The following GZF1 variants were observed in gnomAD, a reference collection of about 807,000 sequenced individuals.
The protein encoded by GZF1 is GDNF inducible zinc finger protein 1, also known as GDNF-inducible zinc finger protein 1.
Under a neutral mutation model 49.4 loss-of-function variants are expected in GZF1, and 28 were observed. That is an observed-to-expected ratio of 0.57 (90% confidence interval 0.42 to 0.78). The LOEUF (loss-of-function observed/expected upper bound fraction) is 0.78. GZF1 is among the 30% of genes least tolerant of loss of function. The pLI is 0.00. For synonymous variants in GZF1, 364 were observed against 356.0 expected (o/e 1.02, Z -0.25); for missense variants, 798 against 916.2 (o/e 0.87, Z 1.67).
At chr20:23,364,044 A>G (rs146304620) in intron 1 of GZF1, among the ~76,000 whole-genome samples, 274 of 152,354 alleles carry the variant, frequency 1.8e-3, no homozygotes, top group Non-Finnish European at 3.2e-3. Context: ...GGGACTATGT[A>G]AGCAAATTAG....
rs1374905487 is a variant in GZF1 at position 23,369,751 on chromosome 20, G to A, written c.1785+10G>A. 1 of 1,600,274 alleles carries A rather than the reference G, an allele frequency of 6.2e-7. No homozygotes were observed. Among genetic ancestry groups the A allele is most frequent in the Non-Finnish European group, 8.5e-7 (1 of 1,173,008 alleles). ...TCGGCGGCACACCTCAGTAAGCAGTGGGTTGGCTTATTTGAGAAACAAGCT... is the reference window on the plus strand; with the variant it reads ...TCGGCGGCACACCTCAGTAAGCAGTAGGTTGGCTTATTTGAGAAACAAGCT... On this transcript the variant is annotated intron_variant, in intron 5 of 5. Transcript: ENST00000338121.
At chr20:23,366,411 T>C (rs1981394656) in intron 2 of GZF1, among the ~76,000 whole-genome samples, 1 of 152,224 alleles carries the variant, frequency 6.6e-6, no homozygotes, top group Non-Finnish European at 1.5e-5. Context: ...TGTTCATTTT[T>C]TACTCTATAT....
In GZF1 at chr20:23,370,386, C is replaced by A. The variant is rs780721876; in HGVS notation, c.2081C>A (p.Thr694Asn). 2 of 1,613,880 alleles carry A rather than the reference C, an allele frequency of 1.2e-6. No individual in the cohort carries two copies. Among genetic ancestry groups the A allele is most frequent in the Non-Finnish European group, 1.7e-6 (2 of 1,179,794 alleles). The change falls in exon 6 of 6, where the codon ACC (threonine) becomes AAC (asparagine). Residue 694 changes from threonine to asparagine, a missense_variant. This residue lies in a region of GZF1 where 446 missense variants were observed against 540.1 expected (regional missense o/e 0.83). Coordinates refer to ENST00000338121, the MANE Select transcript of GZF1 (RefSeq NM_022482.5). ...ATTISELSELTPQTDSMPTQL... is the reference protein window; with the variant it reads ...ATTISELSELNPQTDSMPTQL... ...ACCATCAGTGAGCTTAGCGAGCTGA[C>A]CCCACAGACAGACTCGATGCCCACA...
chr20:23,361,825 C>A (rs761461460), upstream of GZF1, among the ~76,000 whole-genome samples: 10 of 152,204 alleles, frequency 6.6e-5, no homozygotes, highest in Non-Finnish European at 1.5e-4. Flanking sequence ...CGCCTTGCGG[C>A]CAGAAGCCCG....
intron 2 of GZF1, 78 bp downstream of exon 2, chr20:23,365,825 T>C: frequency 7.0e-7 from 1 of 1,433,782 alleles, no homozygotes; most frequent in East Asian, 2.6e-5. Flanking sequence ...TGGGATTTGA[T>C]GTCTCACTGC....
chr20:23,369,850 T>G, intron 5 of GZF1, 109 bp downstream of exon 5: 1 of 1,219,706 alleles, frequency 8.2e-7, no homozygotes, highest in South Asian at 1.5e-5. Context: ...AGACAACAGG[T>G]ACTTTCTCCT....
intron 1 of GZF1, chr20:23,362,891 A>T (rs558030738): frequency 6.6e-6 from 1 of 152,422 alleles, no homozygotes; most frequent in Admixed American, 6.5e-5. Context: ...TGGGGAAGTC[A>T]GGGCATCAGG....
chr20:23,367,866 GT>G (rs1981582428), intron 3 of GZF1, among the ~76,000 whole-genome samples: 1 of 152,050 alleles, frequency 6.6e-6, no homozygotes, highest in African/African-American at 2.4e-5. Context: ...ATTCTTCTCA[GT>G]TTCTTCTTTG....
rs1981139540 is a variant in GZF1 at position 23,365,010 on chromosome 20, A to G, written c.627A>G (p.Lys209=). 1 of 1,614,120 alleles carries G rather than the reference A, an allele frequency of 6.2e-7. No individual in the cohort carries two copies. ...CCAAGGACAAACTAGACAAGAAGAA[A>G]GAGGTAGTTAAACCTCCCTACCCTA... The part of the protein sequence containing the change: ...KKSKDKLDKK[K]EVVKPPYPKI... Residue 209 remains lysine (K), a synonymous_variant, in exon 2 of 6, where the codon AAA becomes AAG. Transcript: ENST00000338121.
chr20:23,370,545 A>T lies in GZF1; in HGVS notation c.*104A>T. On this transcript the variant is annotated 3_prime_UTR_variant, in exon 6 of 6. Transcript: ENST00000338121. Reference sequence around the variant, plus strand: ...ATTGTCCATGTGCAAAGATGTGGGCAAGAATGGCCTCTGCAGATTTTCCTG... The same window carrying T: ...ATTGTCCATGTGCAAAGATGTGGGCTAGAATGGCCTCTGCAGATTTTCCTG... 1 of 769,092 alleles carries T rather than the reference A, an allele frequency of 1.3e-6. No homozygotes were observed. Among genetic ancestry groups the T allele is most frequent in the South Asian group, 1.6e-5 (1 of 61,344 alleles). The allele number at this position is 769,092 out of a possible 1,614,324, so 47.6% of individuals were successfully genotyped here.
Position 23,365,665 on chromosome 20 carries a change from A to G in GZF1, c.1282A>G (p.Thr428Ala), listed in dbSNP as rs1311569117. 5.6e-6 allele frequency: 9 copies of G among 1,599,420 alleles called. No homozygotes were observed. The highest frequency in any genetic ancestry group is 1.1e-5 in the South Asian group (1 of 90,908). Residue 428 changes from threonine (T) to alanine (A), a missense_variant, in exon 2 of 6, where the codon ACA becomes GCA. Transcript: ENST00000338121. ...SKTALRLHER[T>A]HTGDRPYGCT... is the part of the protein sequence containing the mutation. ...GACAGCGCTGCGGCTGCACGAGCGC[A>G]CACACACGGGAGACCGGCCCTACGG...
chr20:23,364,210 T>G (rs764550093), intron 1 of GZF1, among the ~76,000 whole-genome samples, 153 bp from the exon 2 acceptor site: 15 of 152,250 alleles, frequency 9.9e-5, no homozygotes, highest in Non-Finnish European at 1.8e-4. Context: ...TTTAGAAAAC[T>G]GCTAAGAAGT....
rs946913529 is a variant in GZF1, at chr20:23,364,393, G to A, written c.10G>A (p.Gly4Ser). The change falls in exon 2 of 6, where the codon GGT becomes AGT. Residue 4 changes from glycine to serine, a missense_variant. By Grantham distance (56) the Gly-to-Ser change is moderately conservative. Coordinates refer to ENST00000338121, the MANE Select transcript of GZF1 (RefSeq NM_022482.5). ...TTTGGAAGGAAGAAAGATGGAAAGC[G>A]GTGCAGTTCTGCTGGAATCCAAATC... Reference protein sequence around the residue: MESGAVLLESKSSP... With the variant: MESSAVLLESKSSP... The A allele has an allele frequency of 8.3e-6, 13 of 1,565,560 alleles. No individual in the cohort carries two copies. The highest frequency in any genetic ancestry group is 1.1e-5 in the Non-Finnish European group (13 of 1,153,554).
rs902374939 is a variant in GZF1 at position 23,369,613 on chromosome 20, G to A, written c.1657G>A (p.Gly553Ser). Reference protein sequence around the residue: ...GERPYCCDQCGKQFTQLNALQ... With the variant: ...GERPYCCDQCSKQFTQLNALQ... ...GCGTCCCTACTGCTGTGACCAGTGC[G>A]GCAAGCAGTTCACCCAGCTCAACGC... is the stretch of plus-strand genomic sequence containing the variant. The change falls in exon 5 of 6, where the codon GGC becomes AGC. Residue 553 changes from glycine to serine, a missense_variant. Gly to Ser is a moderately conservative substitution (Grantham distance 56). This residue lies in a region of GZF1 where 446 missense variants were observed against 540.1 expected (regional missense o/e 0.83). Transcript: ENST00000338121. 1.7e-5 allele frequency: 28 copies of A among 1,613,642 alleles called. No individual in the cohort carries two copies. In the Admixed American group the frequency reaches 2.5e-4, roughly 14 times the overall value.
chr20:23,364,751 A>C lies in GZF1; in HGVS notation c.368A>C (p.Glu123Ala). ...AAGCTGAAATGTTTGGATTTATCAG[A>C]AACTTGTTTTCAATTAAAGAAACAG... The part of the protein sequence containing the change: ...AEKLKCLDLS[E>A]TCFQLKKQML... Residue 123 changes from glutamate to alanine, a missense_variant, in exon 2 of 6, where the codon GAA becomes GCA. By Grantham distance (107) the Glu-to-Ala change is moderately radical. This residue lies in a region of GZF1 where 247 missense variants were observed against 228.5 expected (regional missense o/e 1.08). Transcript: ENST00000338121. 1 of 1,614,286 alleles carries C rather than the reference A, an allele frequency of 6.2e-7. No individual in the cohort carries two copies. The highest frequency in any genetic ancestry group is 8.5e-7 in the Non-Finnish European group (1 of 1,180,056).
At position 23,371,570 on chromosome 20, in the gene GZF1, A is replaced by G. The variant is rs1982079170; in HGVS notation, c.*1129A>G. On this transcript the variant is annotated 3_prime_UTR_variant, in exon 6 of 6. Coordinates refer to ENST00000338121, the MANE Select transcript of GZF1 (RefSeq NM_022482.5). ...TCCCAAATGCTTCTTTGGCTGTTTC[A>G]TGCAGGACTTAATTATTGCTTTTAA... 6.5e-6 allele frequency: 1 copy of G among 152,678 alleles called. No individual in the cohort carries two copies. The highest frequency in any genetic ancestry group is 2.4e-5 in the African/African-American group (1 of 41,460). The allele number at this position is 152,678 out of a possible 1,614,324, so 9.5% of individuals were successfully genotyped here.
intron 1 of GZF1, among the ~76,000 whole-genome samples, chr20:23,364,062 C>G (rs1002266853): frequency 1.3e-5 from 2 of 152,176 alleles, no homozygotes; most frequent in African/African-American, 2.4e-5. Flanking sequence ...TAGACAGTGA[C>G]CTTGGTGAGC....
rs547966607 is a variant in GZF1 at position 23,372,805 on chromosome 20, TCAACCATTTTC to T, written c.*2376_*2386del. The T allele has an allele frequency of 3.7e-4, 57 of 152,346 alleles. 1 individual carries two copies. The highest frequency in any genetic ancestry group is 1.3e-3 in the African/African-American group (52 of 41,570). The allele number at this position is 152,346 out of a possible 1,614,324, so 9.4% of individuals were successfully genotyped here. A position where few individuals can be genotyped will look rare whatever the true frequency, so the allele number is the denominator to read the frequency against. ...AAGAAGGGCCATTTAGGAGCTTGCT[TCAACCATTTTC>T]CAACCATTTTCTGTGAAATGCTGTC... is the stretch of plus-strand genomic sequence containing the variant. On this transcript the variant is annotated 3_prime_UTR_variant, in exon 6 of 6. Coordinates refer to ENST00000338121, the MANE Select transcript of GZF1 (RefSeq NM_022482.5).
In GZF1 at chr20:23,370,705, G is replaced by T; in HGVS notation, c.*264G>T. The T allele has an allele frequency of 2.2e-6, 1 of 454,868 alleles. No homozygotes were observed. The highest frequency in any genetic ancestry group is 3.9e-6 in the Non-Finnish European group (1 of 253,734). 28.2% of individuals were successfully genotyped at this position (454,868 alleles called of 1,614,324 possible). On this transcript the variant is annotated 3_prime_UTR_variant, in exon 6 of 6. Transcript: ENST00000338121. ...ACCTCACTTAATTCTGGTGTAGGGTGTATGTGCTAATCGTTCTAATTCTTG... is the reference window on the plus strand; with the variant it reads ...ACCTCACTTAATTCTGGTGTAGGGTTTATGTGCTAATCGTTCTAATTCTTG...
Sources: allele counts gnomAD v4.1 joint callset (sites outside exome capture counted in the v4.1 genomes callset), GRCh38; gene constraint gnomAD v4.1.1; regional missense constraint gnomAD v4.1.1; transcripts MANE v1.5; gene names NCBI Gene and HGNC (gene_info 2026-07-23, HGNC 2026-07-21).